The following APOL4 variants were observed in gnomAD, a reference collection of about 807,000 sequenced individuals.
APOL4 encodes the protein apolipoprotein L4.
A neutral mutation model predicts 12.1 loss-of-function variants in APOL4; 14 were observed. The observed-to-expected ratio is 1.16, with a 90% CI of 0.76 to 1.81. The LOEUF is 1.81. Ranked by LOEUF, APOL4 falls within the 40% of genes most tolerant of loss-of-function variation. The pLI, the probability that APOL4 is intolerant of heterozygous loss-of-function variation, is 0.00. For synonymous variants in APOL4, 171 were observed against 160.6 expected (o/e 1.06, Z -0.49); for missense variants, 432 against 423.1 (o/e 1.02, Z -0.18).
intron 3 of APOL4, among the ~76,000 whole-genome samples, chr22:36,193,924 C>T (rs750951646): frequency 7.9e-5 from 12 of 152,198 alleles, no homozygotes; most frequent in Non-Finnish European, 1.5e-4. Flanking sequence ...TCACATGTCA[C>T]CAGCCAAACT....
At chr22:36,204,606 G>A (rs1031206108), upstream of APOL4, 6 of 468,812 alleles carry the variant, frequency 1.3e-5, no homozygotes, top group South Asian at 2.1e-4. Flanking sequence ...GATGGAGGGA[G>A]GTCACACCAT....
chr22:36,203,372 T>C (rs1168630853), upstream of APOL4, among the ~76,000 whole-genome samples: 1 of 152,090 alleles, frequency 6.6e-6, no homozygotes, highest in African/African-American at 2.4e-5. Context: ...GATTACGAGG[T>C]GGGATGGTCA....
chr22:36,195,193 C>T (rs1264004144), intron 3 of APOL4, 118 bp downstream of exon 3: 1 of 1,343,638 alleles, frequency 7.4e-7, no homozygotes, highest in Non-Finnish European at 1.0e-6. Flanking sequence ...AGAGGGACAT[C>T]CTCAAGCCCA....
upstream of APOL4, chr22:36,202,093 T>C: frequency 1.2e-6 from 2 of 1,612,270 alleles, no homozygotes; most frequent in Non-Finnish European, 1.7e-6. Context: ...AGTGTGCTCC[T>C]CCTGAGAAAT....
intron 3 of APOL4, among the ~76,000 whole-genome samples, chr22:36,194,205 T>C (rs2014338942): frequency 6.6e-6 from 1 of 152,160 alleles, no homozygotes; most frequent in Non-Finnish European, 1.5e-5. Flanking sequence ...CTCTACTCTA[T>C]GTAGAACAGA....
intron 1 of APOL4, chr22:36,199,751 T>C (rs921120635): frequency 9.4e-7 from 1 of 1,068,176 alleles, no homozygotes; most frequent in Non-Finnish European, 1.4e-6. Flanking sequence ...TAATTGATGA[T>C]AGCCAGTCTG....
chr22:36,200,745 C>T (rs944275032), intron 1 of APOL4, among the ~76,000 whole-genome samples: 22 of 152,246 alleles, frequency 1.4e-4, no homozygotes, highest in Non-Finnish European at 2.8e-4. Flanking sequence ...TGTACCAATT[C>T]ACACTCAAAC....
rs769468185 is a variant in APOL4 at position 36,191,819 on chromosome 22, A to C, written c.303T>G (p.Phe101Leu). 3 of 1,613,768 alleles carry C rather than the reference A, an allele frequency of 1.9e-6. No homozygotes were observed. Among genetic ancestry groups the C allele is most frequent in the Non-Finnish European group, 2.5e-6 (3 of 1,179,904 alleles). Residue 101 changes from phenylalanine to leucine, a missense_variant, in exon 4 of 4, where the codon TTT (phenylalanine) becomes TTG (leucine). Transcript: ENST00000683024. The stretch of plus-strand genomic sequence containing the variant: ...GAAACTCTTTCAAAAACCACTCCCT[A>C]AACTGCTGTTCTTTTTGCTGCATGT... ...DKDMQQKEQQFREWFLKEFPQ... is the reference protein window; with the variant it reads ...DKDMQQKEQQLREWFLKEFPQ...
At chr22:36,204,821 T>C, upstream of APOL4, 1 of 212,722 alleles carries the variant, frequency 4.7e-6, no homozygotes. Context: ...AACACGCTGC[T>C]CCCCAGCACC....
At position 36,191,230 on chromosome 22, in the gene APOL4, C is replaced by T. The variant is rs576461754; in HGVS notation, c.892G>A (p.Val298Ile). The change falls in exon 4 of 4, where the codon GTT becomes ATT. Residue 298 changes from valine (V) to isoleucine (I), a missense_variant. Coordinates refer to ENST00000683024, the MANE Select transcript of APOL4 (RefSeq NM_001386885.1). ...ACAAGGTTGACTACATCCAGCACAACAAGGACACCTGAAGTGGCCTTGCCC... is the reference window on the plus strand; with the variant it reads ...ACAAGGTTGACTACATCCAGCACAATAAGGACACCTGAAGTGGCCTTGCCC... ...NLGKATSGVL[V>I]VLDVVNLVQD... 4.0e-5 allele frequency: 65 copies of T among 1,614,018 alleles called. No homozygotes were observed. The East Asian group carries it at 6.2e-4, about 15-fold the overall frequency.
intron 3 of APOL4, among the ~76,000 whole-genome samples, chr22:36,192,876 A>T (rs1345837053): frequency 6.6e-6 from 1 of 152,182 alleles, no homozygotes; most frequent in Non-Finnish European, 1.5e-5. Flanking sequence ...GCAGCTTGTG[A>T]TCCAGCCCCA....
At chr22:36,197,568 T>G in intron 2 of APOL4, 1 of 1,420,026 alleles carries the variant, frequency 7.0e-7, no homozygotes, top group Non-Finnish European at 9.2e-7. Flanking sequence ...AACCAGACCT[T>G]CAGAACAGCT....
At position 36,191,156 on chromosome 22, in the gene APOL4, C is replaced by G; in HGVS notation, c.966G>C (p.Glu322Asp). 3.7e-6 allele frequency: 6 copies of G among 1,612,482 alleles called. No homozygotes were observed. Among genetic ancestry groups the G allele is most frequent in the Non-Finnish European group, 5.1e-6 (6 of 1,179,250 alleles). ...LHKGAKSESA[E>D]SLRQWAQELE... ...GCTCCTGAGCCCACTGCCTCAGCGA[C>G]TCAGCAGACTCGGATTTTGCCCCCT... Residue 322 changes from glutamate (E) to aspartate (D), a missense_variant, in exon 4 of 4, where the codon GAG becomes GAC. Coordinates refer to ENST00000683024, the MANE Select transcript of APOL4 (RefSeq NM_001386885.1).
chr22:36,191,520 G>C lies in APOL4; in HGVS notation c.602C>G (p.Ala201Gly). The C allele has an allele frequency of 6.2e-7, 1 of 1,614,040 alleles. No homozygotes were observed. The highest frequency in any genetic ancestry group is 8.5e-7 in the Non-Finnish European group (1 of 1,179,886). Residue 201 changes from alanine (A) to glycine (G), a missense_variant, in exon 4 of 4, where the codon GCC becomes GGC. Coordinates refer to ENST00000683024, the MANE Select transcript of APOL4 (RefSeq NM_001386885.1). ...NTYTRSAELTASRLTATSTDQ... is the reference protein window; with the variant it reads ...NTYTRSAELTGSRLTATSTDQ... Reference sequence around the variant, plus strand: ...AGTGCTGGTTGCAGTCAGCCTGCTGGCTGTGAGTTCTGCTGACCTTGTGTA... The same window carrying C: ...AGTGCTGGTTGCAGTCAGCCTGCTGCCTGTGAGTTCTGCTGACCTTGTGTA...
rs543075138 is a variant in APOL4, at chr22:36,196,835, T to G, written c.83-1398A>C. On this transcript the variant is annotated intron_variant, in intron 2 of 3. Coordinates refer to ENST00000683024, the MANE Select transcript of APOL4 (RefSeq NM_001386885.1). ...GTTCCCTTGCCATTACTTTGAAGAC[T>G]CCATATATTTAAAAAATGCCTGTGG... 1.6e-4 allele frequency among the ~76,000 whole-genome samples: 25 copies of G among 152,302 alleles called. No individual in the cohort carries two copies. The South Asian group carries it at 1.9e-3, about 11-fold the overall frequency.
rs1338301414 is a variant in APOL4, at chr22:36,189,983, G to C, written c.*1092C>G. On this transcript the variant is annotated 3_prime_UTR_variant, in exon 4 of 4. Coordinates refer to ENST00000683024, the MANE Select transcript of APOL4 (RefSeq NM_001386885.1). ...TTCCCTGGTGGCTGCACTGCTCTGGGGTCATTGGGTATCGGGGAACCTGCC... is the reference window on the plus strand; with the variant it reads ...TTCCCTGGTGGCTGCACTGCTCTGGCGTCATTGGGTATCGGGGAACCTGCC... 1.4e-5 allele frequency: 3 copies of C among 209,212 alleles called. No homozygotes were observed. Among genetic ancestry groups the C allele is most frequent in the Non-Finnish European group, 2.0e-5 (2 of 98,534 alleles). 13.0% of individuals were successfully genotyped at this position (209,212 alleles called of 1,614,324 possible). A position where few individuals can be genotyped will look rare whatever the true frequency, so the allele number is the denominator to read the frequency against.
At chr22:36,203,479 T>G (rs921214841), upstream of APOL4, among the ~76,000 whole-genome samples, 1 of 152,192 alleles carries the variant, frequency 6.6e-6, no homozygotes, top group African/African-American at 2.4e-5. Flanking sequence ...GAATTTACAA[T>G]ATAGTGTGTG....
At chr22:36,202,775 G>T (rs996309196), upstream of APOL4, among the ~76,000 whole-genome samples, 2 of 151,886 alleles carry the variant, frequency 1.3e-5, no homozygotes, top group East Asian at 3.9e-4. Context: ...CCACGACTCA[G>T]ATTTCACAGA....
At chr22:36,202,721 A>G (rs1807673), upstream of APOL4, among the ~76,000 whole-genome samples, 73,458 of 149,956 alleles carry the variant, frequency 0.49, 19,249 homozygotes, top group East Asian at 0.91. Flanking sequence ...GCGAGACTCC[A>G]TCTCAGAAAA....
Sources: gnomAD v4.1 joint callset for allele counts (sites outside exome capture counted in the v4.1 genomes callset) on GRCh38, gnomAD v4.1.1 for gene constraint, MANE v1.5 for transcripts, NCBI Gene and HGNC (gene_info 2026-07-23, HGNC 2026-07-21) for gene names.